WDR62: variants seen among roughly 807,000 people sequenced by gnomAD.
The protein encoded by WDR62 is WD repeat-containing protein 62.
A neutral mutation model predicts 160.6 loss-of-function variants in WDR62; 112 were observed. That is an observed-to-expected ratio of 0.70 (90% CI 0.60 to 0.82). WDR62 has a LOEUF of 0.82. Ranked by LOEUF, WDR62 falls within the 40% of genes least tolerant of loss-of-function variation. The pLI is 0.00. For missense variants in WDR62, 1,819 were observed against 1,983.8 expected (o/e 0.92, Z 1.58); for synonymous variants, 792 against 815.1 (o/e 0.97, Z 0.48).
chr19:36,074,106 C>G (rs938925133), intron 9 of WDR62: 32 of 256,052 alleles, frequency 1.2e-4, no homozygotes, highest in African/African-American at 6.2e-4. Context: ...TGAGACCAGC[C>G]TGGGCAACAC....
chr19:36,089,189 C>T lies in WDR62; in HGVS notation c.1841C>T (p.Ser614Leu), dbSNP rs4805157. ...SIYFRSAQQG[S>L]DGLHFVRTHH... The stretch of plus-strand genomic sequence containing the variant: ...AGGTCCTGCCGGCCCTGCCAGGGTT[C>T]GGATGGACTACACTTTGTCCGTACC... The change falls in exon 15 of 32, where the codon TCG (serine) becomes TTG (leucine). Residue 614 changes from serine (S) to leucine (L), a missense_variant. This residue lies in a region of WDR62 where 934 missense variants were observed against 1,157.2 expected (regional missense o/e 0.81). Coordinates refer to ENST00000401500, the MANE Select transcript of WDR62 (RefSeq NM_001083961.2). 8.7e-6 allele frequency: 14 copies of T among 1,614,060 alleles called. No homozygotes were observed. Among genetic ancestry groups the T allele is most frequent in the South Asian group, 2.2e-5 (2 of 91,064 alleles).
At chr19:36,104,465 C>T (rs1973610250) in intron 30 of WDR62, 53 bp from the exon 31 acceptor site, 6 of 1,605,796 alleles carry the variant, frequency 3.7e-6, no homozygotes, top group African/African-American at 2.7e-5. Context: ...GCTCTGGCCG[C>T]TCACACCAAT....
chr19:36,102,470 C>A, intron 26 of WDR62: 1 of 585,406 alleles, frequency 1.7e-6, no homozygotes, highest in Non-Finnish European at 3.0e-6. Context: ...CCATGTTGGC[C>A]AGACTGGTCT....
chr19:36,069,973 CAGAGGGAGACCGTGGAAAGAGAGGG>C (rs1368078603), intron 7 of WDR62, among the ~76,000 whole-genome samples: 7 of 136,568 alleles, frequency 5.1e-5, no homozygotes, highest in Non-Finnish European at 8.2e-5. Flanking sequence ...GGCTCGGCAT[CAGAGGGAGACCGTGGAAAGAGAGGG>C]AGAGGGAGAC....
intron 9 of WDR62, among the ~76,000 whole-genome samples, chr19:36,078,077 G>A (rs373063085): frequency 6.6e-6 from 1 of 151,940 alleles, no homozygotes; most frequent in Non-Finnish European, 1.5e-5. Flanking sequence ...ATCAGTTGAC[G>A]GCCACTTGGG....
In WDR62 at chr19:36,103,425, T is replaced by C. The variant is rs769484128; in HGVS notation, c.3597T>C (p.Ser1199=). ...ACAGGAATCTCCCAACGCCCACATC[T>C]GCACCCACCCCAGGCCTGGCTCAGG... ...PTDRNLPTPT[S]APTPGLAQGV... The change falls in exon 30 of 32, where the codon TCT becomes TCC. Residue 1199 remains serine, a synonymous_variant. Coordinates refer to ENST00000401500, the MANE Select transcript of WDR62 (RefSeq NM_001083961.2). 3.1e-6 allele frequency: 5 copies of C among 1,614,024 alleles called. No homozygotes were observed. Among genetic ancestry groups the C allele is most frequent in the Non-Finnish European group, 3.4e-6 (4 of 1,179,970 alleles).
chr19:36,063,500 C>T (rs1970776999), intron 3 of WDR62, among the ~76,000 whole-genome samples: 1 of 152,166 alleles, frequency 6.6e-6, no homozygotes, highest in Admixed American at 6.5e-5. Context: ...ATCCACCCGC[C>T]TCGGCCTCCC....
chr19:36,086,944 A>C, intron 13 of WDR62, 132 bp downstream of exon 13: 1 of 1,334,068 alleles, frequency 7.5e-7, no homozygotes, highest in Non-Finnish European at 1.0e-6. Context: ...ATACAGAATA[A>C]TGACTGGGGC....
In WDR62 at chr19:36,091,484, G is replaced by A; in HGVS notation, c.2210+19G>A. 6.2e-7 allele frequency: 1 copy of A among 1,612,844 alleles called. No homozygotes were observed. The highest frequency in any genetic ancestry group is 1.1e-5 in the South Asian group (1 of 91,062). The stretch of plus-strand genomic sequence containing the variant: ...GAGACAGGTGGGACATGGACCTTTG[G>A]GAGAGTTGTGGCTCAGATACCATGA... On this transcript the variant is annotated intron_variant, in intron 18 of 31. Coordinates refer to ENST00000401500, the MANE Select transcript of WDR62 (RefSeq NM_001083961.2).
In WDR62 at chr19:36,103,672, G is replaced by A. The variant is rs1242366944; in HGVS notation, c.3844G>A (p.Glu1282Lys). 2 of 1,610,352 alleles carry A rather than the reference G, an allele frequency of 1.2e-6. No individual in the cohort carries two copies. The highest frequency in any genetic ancestry group is 2.2e-5 in the South Asian group (2 of 91,080). The change falls in exon 30 of 32, where the codon GAG becomes AAG. Residue 1282 changes from glutamate to lysine, a missense_variant. Coordinates refer to ENST00000401500, the MANE Select transcript of WDR62 (RefSeq NM_001083961.2). ...TTPSLDSEGQEPALRSWGNHE... is the reference protein window; with the variant it reads ...TTPSLDSEGQKPALRSWGNHE... Reference sequence around the variant, plus strand: ...ACCCAGTTTGGACAGTGAGGGCCAAGAGCCTGCCCTGCGTTCCTGGGGCAA... The same window carrying A: ...ACCCAGTTTGGACAGTGAGGGCCAAAAGCCTGCCCTGCGTTCCTGGGGCAA...
rs538123576 is a variant in WDR62, at chr19:36,067,673, C to A, written c.700-155C>A. ...TCATTCTTGGACTGCTGCTGTCCAG[C>A]CCCTCTGTCCAGAGTGGCAGGGTTC... On this transcript the variant is annotated intron_variant, in intron 6 of 31. Transcript: ENST00000401500. Among the ~76,000 whole-genome samples, 6 of 152,330 alleles carry A rather than the reference C, an allele frequency of 3.9e-5. No homozygotes were observed. In the South Asian group the frequency reaches 1.2e-3, roughly 32 times the overall value.
chr19:36,106,714 G>C (rs532279690), downstream of WDR62, among the ~76,000 whole-genome samples: 1 of 152,322 alleles, frequency 6.6e-6, no homozygotes, highest in Non-Finnish European at 1.5e-5. Flanking sequence ...GTGAGCAAGG[G>C]GAGGGCAGGA....
At chr19:36,104,285 C>T (rs1019515344) in intron 30 of WDR62, among the ~76,000 whole-genome samples, 5 of 151,888 alleles carry the variant, frequency 3.3e-5, no homozygotes, top group Non-Finnish European at 7.4e-5. Flanking sequence ...CAGAGGAGGG[C>T]GAGGGAGTGC....
In WDR62 at chr19:36,054,912, C is replaced by A. The variant is rs1265437928; in HGVS notation, c.-60C>A. The A allele has an allele frequency of 1.9e-6, 3 of 1,539,702 alleles. No homozygotes were observed. Among genetic ancestry groups the A allele is most frequent in the African/African-American group, 1.4e-5 (1 of 73,240 alleles). ...GCGGCTGTTCGCTGTTCCAGTGGGTCGTGGCGGTGGCGGCAGCGGCGGTTA... is the reference window on the plus strand; with the variant it reads ...GCGGCTGTTCGCTGTTCCAGTGGGTAGTGGCGGTGGCGGCAGCGGCGGTTA... On this transcript the variant is annotated 5_prime_UTR_variant, in exon 1 of 32. Transcript: ENST00000401500.
At chr19:36,081,157 T>C (rs1740691661) in intron 9 of WDR62, among the ~76,000 whole-genome samples, 1 of 152,218 alleles carries the variant, frequency 6.6e-6, no homozygotes. Context: ...TGATGGTACC[T>C]CGTTTTCTTT....
At position 36,105,036 on chromosome 19, in the gene WDR62, G is replaced by A. The variant is rs1454063337; in HGVS notation, c.*8G>A. ...AAGGCACGGGGGCACTGAGGGCGCA[G>A]CCCCTCCACCGCAGCCCTGCTGCTT... On this transcript the variant is annotated 3_prime_UTR_variant, in exon 32 of 32. Coordinates refer to ENST00000401500, the MANE Select transcript of WDR62 (RefSeq NM_001083961.2). 2 of 1,590,800 alleles carry A rather than the reference G, an allele frequency of 1.3e-6. No individual in the cohort carries two copies. The highest frequency in any genetic ancestry group is 1.7e-6 in the Non-Finnish European group (2 of 1,176,048).
downstream of WDR62, chr19:36,105,245 G>C (rs1355681779): frequency 1.6e-6 from 1 of 631,712 alleles, no homozygotes; most frequent in African/African-American, 1.8e-5. Context: ...AGAAGTTCAG[G>C]AACTGCAGCC....
intron 9 of WDR62, among the ~76,000 whole-genome samples, chr19:36,076,236 G>T (rs943795115): frequency 6.6e-5 from 10 of 151,876 alleles, no homozygotes; most frequent in Non-Finnish European, 1.5e-4. Context: ...CACACATCAG[G>T]AATCAACCAT....
chr19:36,090,328 G>A (rs537006912), intron 15 of WDR62, 117 bp from the exon 16 acceptor site: 24 of 927,470 alleles, frequency 2.6e-5, no homozygotes, highest in Non-Finnish European at 4.3e-5. Context: ...CTAGGCATCA[G>A]ATGGGGACAA....
Sources: allele counts gnomAD v4.1 joint callset (sites outside exome capture counted in the v4.1 genomes callset), GRCh38; gene constraint gnomAD v4.1.1; regional missense constraint gnomAD v4.1.1; transcripts MANE v1.5; gene names NCBI Gene and HGNC (gene_info 2026-07-23, HGNC 2026-07-21).